The following KIAA1328 variants were observed in gnomAD, a reference collection of about 807,000 sequenced individuals.
The protein encoded by KIAA1328 is protein hinderin.
KIAA1328 carries 52 observed loss-of-function variants against 68.1 expected under a neutral mutation model. The observed-to-expected ratio is 0.76, with a 90% CI of 0.61 to 0.96. The LOEUF is 0.96. Among genes scored for constraint, KIAA1328 ranks in the 40% least tolerant of loss-of-function variants. The pLI is 0.00. For missense variants in KIAA1328, 641 were observed against 677.6 expected, an observed-to-expected ratio of 0.95 and a Z score of 0.60; for synonymous variants, 232 against 239.4, an observed-to-expected ratio of 0.97 and a Z score of 0.28.
chr18:37,146,082 CT>C (rs915065935), intron 7 of KIAA1328, among the ~76,000 whole-genome samples: 198 of 151,198 alleles, frequency 1.3e-3, no homozygotes, highest in African/African-American at 4.5e-3. Context: ...GAGGATAATA[CT>C]TTTTTTTTCG....
At chr18:37,059,090 A>G (rs975843307) in intron 6 of KIAA1328, among the ~76,000 whole-genome samples, 7 of 152,272 alleles carry the variant, frequency 4.6e-5, no homozygotes, top group African/African-American at 1.7e-4. Context: ...CATATCTCAC[A>G]TGCAATGTTG....
At chr18:36,865,653 T>A (rs573311140) in intron 4 of KIAA1328, among the ~76,000 whole-genome samples, 1 of 152,202 alleles carries the variant, frequency 6.6e-6, no homozygotes, top group African/African-American at 2.4e-5. Context: ...AAGTCATCTT[T>A]ATTTTGCTGA....
chr18:37,140,374 A>G (rs2058740994), intron 7 of KIAA1328, among the ~76,000 whole-genome samples: 1 of 152,234 alleles, frequency 6.6e-6, no homozygotes, highest in African/African-American at 2.4e-5. Flanking sequence ...ATGTTTTTCT[A>G]CTTTTTAAGG....
At chr18:36,885,170 C>T (rs2048455770) in intron 4 of KIAA1328, among the ~76,000 whole-genome samples, 1 of 151,992 alleles carries the variant, frequency 6.6e-6, no homozygotes, top group African/African-American at 2.4e-5. Flanking sequence ...TTTAAATAAA[C>T]TTATACAAAA....
intron 3 of KIAA1328, among the ~76,000 whole-genome samples, chr18:36,843,931 A>G (rs1467738477): frequency 1.3e-5 from 2 of 152,134 alleles, no homozygotes; most frequent in Non-Finnish European, 2.9e-5. Flanking sequence ...TGACATTCAC[A>G]AAGGGAAAGT....
intron 6 of KIAA1328, among the ~76,000 whole-genome samples, chr18:37,040,077 T>C (rs1599052226): frequency 6.6e-6 from 1 of 152,202 alleles, no homozygotes; most frequent in African/African-American, 2.4e-5. Context: ...CAAATCCTTC[T>C]TATGCTTCAA....
At chr18:37,154,818 G>A (rs187594221) in intron 7 of KIAA1328, among the ~76,000 whole-genome samples, 18 of 152,092 alleles carry the variant, frequency 1.2e-4, no homozygotes, top group East Asian at 1.9e-4. Context: ...TTTTATTTTC[G>A]CTTTACCTTA....
intron 7 of KIAA1328, among the ~76,000 whole-genome samples, chr18:37,107,875 A>G (rs979909014): frequency 6.8e-6 from 1 of 147,540 alleles, no homozygotes; most frequent in Non-Finnish European, 1.5e-5. Flanking sequence ...GTTAAAAAAA[A>G]AAACAGATGC....
At chr18:37,095,640 A>G (rs2151846436) in intron 7 of KIAA1328, among the ~76,000 whole-genome samples, 1 of 152,344 alleles carries the variant, frequency 6.6e-6, no homozygotes, top group South Asian at 2.1e-4. Context: ...AAGGAAGGTA[A>G]TAATAAAGAT....
chr18:37,221,770 C>G (rs1323184394), intron 9 of KIAA1328, among the ~76,000 whole-genome samples: 1 of 152,186 alleles, frequency 6.6e-6, no homozygotes, highest in African/African-American at 2.4e-5. Flanking sequence ...TCTACAATCT[C>G]TCTTCATAAG....
downstream of KIAA1328, chr18:37,225,383 T>C: frequency 1.1e-6 from 1 of 887,898 alleles, no homozygotes. Flanking sequence ...ATCAGATCAG[T>C]GAGGCATAGC....
Position 37,070,352 on chromosome 18 carries a change from C to A in KIAA1328, c.1232+2807C>A, listed in dbSNP as rs374435352. 1.2e-3 allele frequency among the ~76,000 whole-genome samples: 190 copies of A among 152,236 alleles called. 2 individuals are homozygous for A. The South Asian group carries it at 0.037, about 30-fold the overall frequency. ...TATTTGACAGTATTGTTGAGTTCTT[C>A]TATATTCTTGCTGATTTTCTACCTA... On this transcript the variant is annotated intron_variant, in intron 7 of 9. Coordinates refer to ENST00000280020, the MANE Select transcript of KIAA1328 (RefSeq NM_020776.3).
chr18:37,022,351 G>A (rs980452555), intron 6 of KIAA1328, among the ~76,000 whole-genome samples: 18 of 152,108 alleles, frequency 1.2e-4, no homozygotes, highest in African/African-American at 4.1e-4. Context: ...GATTAGAACC[G>A]TGGTTTAGAC....
intron 7 of KIAA1328, among the ~76,000 whole-genome samples, chr18:37,118,592 C>T (rs2058185565): frequency 6.6e-6 from 1 of 152,120 alleles, no homozygotes; most frequent in Non-Finnish European, 1.5e-5. Context: ...CAGTATAGTA[C>T]CCTCTTCTTT....
chr18:37,114,978 C>A (rs1303040406), intron 7 of KIAA1328, among the ~76,000 whole-genome samples: 1 of 151,954 alleles, frequency 6.6e-6, no homozygotes, highest in Non-Finnish European at 1.5e-5. Context: ...AAGTTGAATC[C>A]CTGAATAGAC....
chr18:37,035,648 C>A (rs909122759), intron 6 of KIAA1328, among the ~76,000 whole-genome samples: 5 of 152,196 alleles, frequency 3.3e-5, no homozygotes, highest in African/African-American at 4.8e-5. Flanking sequence ...AACTCAACTT[C>A]ACGTCCCCGA....
In KIAA1328 at chr18:36,834,279, G is replaced by A. The variant is rs144901051; in HGVS notation, c.59-41G>A. The A allele has an allele frequency of 1.3e-3, 1,908 of 1,497,874 alleles. 22 individuals are homozygous for A. In the African/African-American group the frequency reaches 0.021, roughly 16 times the overall value. 92.8% of individuals were successfully genotyped at this position (1,497,874 alleles called of 1,614,324 possible). A position where few individuals can be genotyped will look rare whatever the true frequency, so the allele number is the denominator to read the frequency against. On this transcript the variant is annotated intron_variant, in intron 1 of 9. Transcript: ENST00000280020. ...AGAACAGAAGCAGCATTTGGATGCCGGATAATATTATTGTATTTTCCTTCA... is the reference window on the plus strand; with the variant it reads ...AGAACAGAAGCAGCATTTGGATGCCAGATAATATTATTGTATTTTCCTTCA...
At chr18:36,900,837 A>G (rs2049012729) in intron 5 of KIAA1328, among the ~76,000 whole-genome samples, 1 of 151,990 alleles carries the variant, frequency 6.6e-6, no homozygotes, top group South Asian at 2.1e-4. Flanking sequence ...TTGTGCTTTA[A>G]TATACAAATC....
At chr18:37,119,252 A>G (rs902771413) in intron 7 of KIAA1328, among the ~76,000 whole-genome samples, 2 of 152,222 alleles carry the variant, frequency 1.3e-5, no homozygotes, top group African/African-American at 2.4e-5. Context: ...AAGGAAAGTT[A>G]TAGATAAACA....
Sources: allele counts gnomAD v4.1 joint callset (sites outside exome capture counted in the v4.1 genomes callset), GRCh38; gene constraint gnomAD v4.1.1; transcripts MANE v1.5; gene names NCBI Gene and HGNC (gene_info 2026-07-23, HGNC 2026-07-21).